The following TANGO6 variants were observed in gnomAD, a reference collection of about 807,000 sequenced individuals.
TANGO6 encodes the protein transport and Golgi organization protein 6 homolog.
Under a neutral mutation model 114.2 loss-of-function variants are expected in TANGO6, and 90 were observed. That is an observed-to-expected ratio of 0.79 (90% CI 0.66 to 0.94). The LOEUF (loss-of-function observed/expected upper bound fraction) is 0.94, where lower values mean the gene tolerates loss of function less well. TANGO6 is among the 40% of genes least tolerant of loss of function. The probability of loss-of-function intolerance (pLI) is 0.00; values close to 1 mark genes in which losing one functional copy is unlikely to be tolerated. For missense variants in TANGO6, 1,274 were observed against 1,315.3 expected (o/e 0.97, Z 0.49); for synonymous variants, 477 against 509.8 (o/e 0.94, Z 0.87).
chr16:69,080,505 G>A (rs1960447884), intron 17 of TANGO6, among the ~76,000 whole-genome samples: 1 of 152,154 alleles, frequency 6.6e-6, no homozygotes, highest in Non-Finnish European at 1.5e-5. Flanking sequence ...AGCTATGATT[G>A]CACTACTGTA....
chr16:69,050,582 C>T lies in TANGO6; in HGVS notation c.3108+10161C>T, dbSNP rs143437154. ...TCAGCTCACTGCAACCTCCGCCTCC[C>T]GGGTTCAAGCAATTCTCCTGCCCCA... On this transcript the variant is annotated intron_variant, in intron 17 of 17. Coordinates refer to ENST00000261778, the MANE Select transcript of TANGO6 (RefSeq NM_024562.2). 9.7e-3 allele frequency among the ~76,000 whole-genome samples: 1,469 copies of T among 151,856 alleles called. 12 individuals are homozygous for T. Among genetic ancestry groups the T allele is most frequent in the Middle Eastern group, 0.054 (16 of 294 alleles).
intron 4 of TANGO6, among the ~76,000 whole-genome samples, chr16:68,869,355 A>G (rs191595557): frequency 4.6e-5 from 7 of 152,264 alleles, no homozygotes; most frequent in Non-Finnish European, 1.0e-4. Flanking sequence ...GTGCGCACCT[A>G]TGGTTCCAGC....
chr16:68,911,120 A>G lies in TANGO6; in HGVS notation c.1992+1718A>G, dbSNP rs544679197. On this transcript the variant is annotated intron_variant, in intron 11 of 17. Coordinates refer to ENST00000261778, the MANE Select transcript of TANGO6 (RefSeq NM_024562.2). ...AACCAGAGTAAAGACCCTATAATTT[A>G]TTTTATTTTATTTTAAGAGACAGAG... Among the ~76,000 whole-genome samples, 26 of 152,056 alleles carry G rather than the reference A, an allele frequency of 1.7e-4. No homozygotes were observed. In the South Asian group the frequency reaches 5.4e-3, roughly 32 times the overall value.
At chr16:68,999,761 T>G (rs752108252) in intron 15 of TANGO6, among the ~76,000 whole-genome samples, 10 of 152,212 alleles carry the variant, frequency 6.6e-5, no homozygotes, top group Non-Finnish European at 1.2e-4. Flanking sequence ...GGATCAGCAG[T>G]GTTTTAAGCA....
intron 17 of TANGO6, among the ~76,000 whole-genome samples, chr16:69,080,019 A>C (rs1299427023): frequency 1.3e-5 from 2 of 152,210 alleles, no homozygotes; most frequent in Non-Finnish European, 2.9e-5. Flanking sequence ...CCAGGAGTTC[A>C]AGACCAGCCT....
At chr16:68,923,546 T>C (rs1047711530) in intron 12 of TANGO6, among the ~76,000 whole-genome samples, 1 of 152,140 alleles carries the variant, frequency 6.6e-6, no homozygotes, top group African/African-American at 2.4e-5. Flanking sequence ...CGAGCCCAAT[T>C]TGGGTGCTCT....
At chr16:68,945,119 T>C (rs533911349) in intron 14 of TANGO6, among the ~76,000 whole-genome samples, 1 of 152,274 alleles carries the variant, frequency 6.6e-6, no homozygotes, top group Non-Finnish European at 1.5e-5. Context: ...CCAGCCTGGG[T>C]GACAGGGCGA....
intron 16 of TANGO6, among the ~76,000 whole-genome samples, chr16:69,027,986 G>T (rs1959532936): frequency 6.6e-6 from 1 of 151,758 alleles, no homozygotes; most frequent in Non-Finnish European, 1.5e-5. Flanking sequence ...TTTTGAGACA[G>T]AGTCTCACTG....
At chr16:68,864,488 G>A (rs568176553) in intron 3 of TANGO6, among the ~76,000 whole-genome samples, 12 of 152,148 alleles carry the variant, frequency 7.9e-5, no homozygotes, top group Non-Finnish European at 1.8e-4. Flanking sequence ...AGCTGAGGTG[G>A]GAGGATTCCT....
chr16:68,858,531 T>C (rs1362292801), intron 1 of TANGO6, among the ~76,000 whole-genome samples: 1 of 152,230 alleles, frequency 6.6e-6, no homozygotes, highest in Non-Finnish European at 1.5e-5. Flanking sequence ...TCAGTTGTGC[T>C]TTAAACCTTC....
chr16:69,002,457 T>G (rs1964052797), intron 15 of TANGO6, among the ~76,000 whole-genome samples: 1 of 152,078 alleles, frequency 6.6e-6, no homozygotes, highest in Admixed American at 6.5e-5. Flanking sequence ...CATGCTGTTG[T>G]TAGGATAGTG....
intron 9 of TANGO6, among the ~76,000 whole-genome samples, chr16:68,906,849 A>G (rs1217604884): frequency 1.3e-4 from 19 of 148,974 alleles, no homozygotes; most frequent in Non-Finnish European, 1.8e-4. Flanking sequence ...GCTGGAGTGC[A>G]ATGGCACAAT....
intron 16 of TANGO6, among the ~76,000 whole-genome samples, chr16:69,028,571 T>C (rs251103): frequency 0.35 from 53,035 of 151,902 alleles, 10,914 homozygotes; most frequent in East Asian, 0.54. Flanking sequence ...AGGCGGAGTT[T>C]GCAGTGAGCT....
chr16:68,977,899 C>G (rs573831355), intron 15 of TANGO6, among the ~76,000 whole-genome samples: 44 of 151,894 alleles, frequency 2.9e-4, no homozygotes, highest in African/African-American at 1.0e-3. Flanking sequence ...TTGGACAGGC[C>G]GGTCTCGAAC....
chr16:69,020,890 T>G (rs1959388728), intron 15 of TANGO6, among the ~76,000 whole-genome samples: 1 of 128,072 alleles, frequency 7.8e-6, no homozygotes, highest in Non-Finnish European at 1.7e-5. Flanking sequence ...CACCCCCCCT[T>G]TATATATGTA....
chr16:68,909,552 CCA>C, intron 11 of TANGO6, 150 bp downstream of exon 11: 1 of 655,008 alleles, frequency 1.5e-6, no homozygotes, highest in East Asian at 3.4e-5. Context: ...ACAGCCCACA[CCA>C]GGCCACTGAA....
intron 17 of TANGO6, among the ~76,000 whole-genome samples, chr16:69,072,068 T>TGG (rs1555530579): frequency 3.0e-5 from 3 of 100,540 alleles, no homozygotes; most frequent in East Asian, 2.8e-4. Context: ...TGTGTGTGTG[T>TGG]AGAGAGAGGG....
intron 15 of TANGO6, among the ~76,000 whole-genome samples, chr16:68,977,121 T>C (rs1369166214): frequency 6.6e-6 from 1 of 152,126 alleles, no homozygotes; most frequent in East Asian, 1.9e-4. Flanking sequence ...GAATCCCTCC[T>C]TCATCAGCAC....
rs1025003172 is a variant in TANGO6, at chr16:68,880,685, T to A, written c.1377+55T>A. Reference sequence around the variant, plus strand: ...TTTACTTCTTATTTAAAATTTTTTTTAAATTTTTTCTTTTTTTGTAGAGAT... The same window carrying A: ...TTTACTTCTTATTTAAAATTTTTTTAAAATTTTTTCTTTTTTTGTAGAGAT... On this transcript the variant is annotated intron_variant, in intron 7 of 17. Coordinates refer to ENST00000261778, the MANE Select transcript of TANGO6 (RefSeq NM_024562.2). 3.1e-4 allele frequency: 424 copies of A among 1,389,926 alleles called. 2 individuals carry two copies. The highest frequency in any genetic ancestry group is 2.4e-4 in the Middle Eastern group (1 of 4,166). The allele number at this position is 1,389,926 out of a possible 1,614,324, so 86.1% of individuals were successfully genotyped here.
Sources: gnomAD v4.1 joint callset for allele counts (sites outside exome capture counted in the v4.1 genomes callset) on GRCh38, gnomAD v4.1.1 for gene constraint, MANE v1.5 for transcripts, NCBI Gene and HGNC (gene_info 2026-07-23, HGNC 2026-07-21) for gene names.